The following RORA variants were observed in gnomAD, a reference collection of about 807,000 sequenced individuals.
RORA encodes the protein RAR related orphan receptor A.
A neutral mutation model predicts 69.5 loss-of-function variants in RORA; 7 were observed. The observed-to-expected ratio is 0.10, with a 90% CI of 0.06 to 0.19. RORA has a LOEUF of 0.19. Among genes scored for constraint, RORA ranks in the 10% least tolerant of loss-of-function variants. The pLI is 1.00. For synonymous variants in RORA, 261 were observed against 240.8 expected (o/e 1.08, Z -0.78); for missense variants, 457 against 663.0 (o/e 0.69, Z 3.41).
chr15:61,208,011 A>C (rs2079957261), intron 1 of RORA, among the ~76,000 whole-genome samples: 1 of 152,352 alleles, frequency 6.6e-6, no homozygotes, highest in African/African-American at 2.4e-5. Context: ...GGAAGGGTTT[A>C]AAACACAAAG....
intron 1 of RORA, among the ~76,000 whole-genome samples, chr15:61,055,408 T>A (rs1037109466): frequency 3.9e-5 from 6 of 152,160 alleles, no homozygotes; most frequent in Non-Finnish European, 7.3e-5. Flanking sequence ...ATTTTTTGGC[T>A]AATGTTTACA....
At chr15:60,770,245 A>G (rs924015203) in intron 1 of RORA, among the ~76,000 whole-genome samples, 9 of 152,194 alleles carry the variant, frequency 5.9e-5, no homozygotes, top group African/African-American at 2.2e-4. Flanking sequence ...AGAGATTTTA[A>G]TGAAAATTAT....
At chr15:60,647,772 C>A (rs2070075348) in intron 2 of RORA, among the ~76,000 whole-genome samples, 1 of 152,234 alleles carries the variant, frequency 6.6e-6, no homozygotes, top group Non-Finnish European at 1.5e-5. Context: ...GAAAAGTACA[C>A]ATCAGAGGAT....
intron 1 of RORA, among the ~76,000 whole-genome samples, chr15:61,223,237 C>A (rs1318807223): frequency 1.3e-5 from 2 of 149,652 alleles, no homozygotes; most frequent in African/African-American, 4.9e-5. Context: ...TTGCTTGAAC[C>A]CGGGAGGCAG....
At chr15:60,717,477 T>C (rs1022459214) in intron 1 of RORA, among the ~76,000 whole-genome samples, 4 of 152,212 alleles carry the variant, frequency 2.6e-5, no homozygotes, top group African/African-American at 9.6e-5. Flanking sequence ...TAGCTTGTAA[T>C]ACCTATAGCA....
At chr15:61,161,049 G>A (rs542270415) in intron 1 of RORA, among the ~76,000 whole-genome samples, 5 of 152,228 alleles carry the variant, frequency 3.3e-5, no homozygotes, top group African/African-American at 1.2e-4. Flanking sequence ...GCATTTGGGA[G>A]GCGGAGGGGG....
intron 2 of RORA, among the ~76,000 whole-genome samples, chr15:60,667,268 G>C (rs903219113): frequency 6.6e-6 from 1 of 152,158 alleles, no homozygotes; most frequent in Non-Finnish European, 1.5e-5. Context: ...TGAGTTCTCT[G>C]CTCTGCAGGT....
At position 60,894,311 on chromosome 15, in the gene RORA, G is replaced by T. The variant is rs994067786; in HGVS notation, c.167-215625C>A. On this transcript the variant is annotated intron_variant, in intron 1 of 10. Coordinates refer to ENST00000335670, the MANE Select transcript of RORA (RefSeq NM_134261.3). ...TTTAAAATGCAATATGTTAATGCTT[G>T]TCCAGAGTTTTGTACACTTTCGTGA... Among the ~76,000 whole-genome samples the T allele has an allele frequency of 3.3e-5, 5 of 152,334 alleles. 1 individual carries two copies. The South Asian group carries it at 1.0e-3, about 32-fold the overall frequency.
intron 1 of RORA, among the ~76,000 whole-genome samples, chr15:60,866,947 C>G (rs1187114486): frequency 6.6e-6 from 1 of 152,064 alleles, no homozygotes; most frequent in Non-Finnish European, 1.5e-5. Flanking sequence ...CTCACTGTAA[C>G]CACTGCCTGC....
chr15:61,109,186 C>T (rs867342607), intron 1 of RORA, among the ~76,000 whole-genome samples: 4 of 152,146 alleles, frequency 2.6e-5, no homozygotes, highest in South Asian at 2.1e-4. Flanking sequence ...CAGAGCAAGA[C>T]TTCCTCTCAA....
Position 60,511,762 on chromosome 15 carries a change from G to T in RORA, c.425-141C>A. 1 of 893,244 alleles carries T rather than the reference G, an allele frequency of 1.1e-6. No homozygotes were observed. The highest frequency in any genetic ancestry group is 1.7e-6 in the Non-Finnish European group (1 of 603,716). 55.3% of individuals were successfully genotyped at this position (893,244 alleles called of 1,614,324 possible). On this transcript the variant is annotated intron_variant, in intron 4 of 10. Coordinates refer to ENST00000335670, the MANE Select transcript of RORA (RefSeq NM_134261.3). The surrounding 1 kb of genome is among the most constrained non-coding windows in gnomAD (Gnocchi z 6.4). Reference sequence around the variant, plus strand: ...ACCACAAAATAAGGACATATTCAGAGGTGAAAACAGTTCCAACCCACACAG... The same window carrying T: ...ACCACAAAATAAGGACATATTCAGATGTGAAAACAGTTCCAACCCACACAG...
intron 2 of RORA, among the ~76,000 whole-genome samples, chr15:60,667,073 T>G (rs1482570451): frequency 1.3e-5 from 2 of 152,240 alleles, no homozygotes; most frequent in Non-Finnish European, 1.5e-5. Context: ...TTTTCTAATA[T>G]ACCTCATCTC....
chr15:60,922,389 A>C (rs944173412), intron 1 of RORA, among the ~76,000 whole-genome samples: 1 of 152,148 alleles, frequency 6.6e-6, no homozygotes, highest in African/African-American at 2.4e-5. Flanking sequence ...GGGGATATTC[A>C]TAGTGGGAGA....
intron 2 of RORA, among the ~76,000 whole-genome samples, chr15:60,545,836 G>A (rs542951609): frequency 3.9e-5 from 6 of 152,220 alleles, no homozygotes; most frequent in East Asian, 1.9e-4. Context: ...AGCACTTTGC[G>A]AAAACAAAAT....
chr15:61,195,903 G>C (rs1407215152), intron 1 of RORA: 1 of 152,222 alleles, frequency 6.6e-6, no homozygotes. Flanking sequence ...CAAAAGGGAC[G>C]AAATGTCTGA....
intron 1 of RORA, among the ~76,000 whole-genome samples, chr15:60,915,880 T>G (rs1294927608): frequency 6.6e-6 from 1 of 152,248 alleles, no homozygotes; most frequent in African/African-American, 2.4e-5. Context: ...GGCTTCCGCA[T>G]GAATTTGCTG....
At chr15:60,725,137 G>C (rs1418927025) in intron 1 of RORA, among the ~76,000 whole-genome samples, 1 of 152,202 alleles carries the variant, frequency 6.6e-6, no homozygotes, top group Non-Finnish European at 1.5e-5. Flanking sequence ...ATATTCAGAA[G>C]TGCCACATTC....
chr15:61,192,380 A>G (rs1332814690), intron 1 of RORA, among the ~76,000 whole-genome samples: 1 of 152,252 alleles, frequency 6.6e-6, no homozygotes, highest in African/African-American at 2.4e-5. Context: ...TACCCAGAGT[A>G]GAGGAAAAAT....
At chr15:60,910,346 G>C (rs1566906120) in intron 1 of RORA, among the ~76,000 whole-genome samples, 1 of 152,178 alleles carries the variant, frequency 6.6e-6, no homozygotes, top group East Asian at 1.9e-4. Context: ...TTCTTATCAG[G>C]AAATGTGAAT....
Sources: gnomAD v4.1 joint callset for allele counts (sites outside exome capture counted in the v4.1 genomes callset) on GRCh38, gnomAD v4.1.1 for gene constraint, Gnocchi (gnomAD v3.1) non-coding constraint, MANE v1.5 for transcripts, NCBI Gene and HGNC (gene_info 2026-07-23, HGNC 2026-07-21) for gene names.